Variants in THADA observed in about 807,000 individuals in gnomAD.
THADA encodes the protein THADA armadillo repeat containing, also known as tRNA (32-2'-O)-methyltransferase regulator THADA.
A neutral mutation model predicts 219.8 loss-of-function variants in THADA; 213 were observed. That is an observed-to-expected ratio of 0.97 (90% CI 0.87 to 1.09). The LOEUF (loss-of-function observed/expected upper bound fraction) is 1.09. Ranked by LOEUF, THADA falls within the 50% of genes least tolerant of loss-of-function variation. THADA has a pLI of 0.00. For synonymous variants in THADA, 1,018 were observed against 828.9 expected (o/e 1.23, Z -3.92); for missense variants, 2,956 against 2,311.3 (o/e 1.28, Z -5.72).
intron 36 of THADA, among the ~76,000 whole-genome samples, chr2:43,265,930 AACACACAC>A (rs56173099): frequency 0.12 from 14,523 of 124,400 alleles, 724 homozygotes; most frequent in East Asian, 0.19. Context: ...TTACTTTTGA[AACACACAC>A]ACACACACAC....
chr2:43,327,098 G>C (rs1573082155), intron 30 of THADA, among the ~76,000 whole-genome samples: 1 of 152,230 alleles, frequency 6.6e-6, no homozygotes, highest in Middle Eastern at 3.4e-3. Context: ...CATAAAAACA[G>C]AGGATTGATT....
chr2:43,362,021 G>A (rs886755868), intron 29 of THADA, among the ~76,000 whole-genome samples: 1 of 152,194 alleles, frequency 6.6e-6, no homozygotes, highest in African/African-American at 2.4e-5. Context: ...TGCTCTGAGA[G>A]AGGAAAACTC....
chr2:43,413,362 T>G (rs1420043431), intron 28 of THADA, among the ~76,000 whole-genome samples: 4 of 152,160 alleles, frequency 2.6e-5, no homozygotes, highest in Non-Finnish European at 4.4e-5. Context: ...CTAAGAGGGC[T>G]GGCTGAATCG....
At chr2:43,310,760 T>A (rs1677409386) in intron 31 of THADA, among the ~76,000 whole-genome samples, 1 of 152,154 alleles carries the variant, frequency 6.6e-6, no homozygotes, top group Non-Finnish European at 1.5e-5. Context: ...CTTTTGTCCA[T>A]CAAAGGATAT....
At chr2:43,370,480 G>A (rs1485062053) in intron 29 of THADA, among the ~76,000 whole-genome samples, 2 of 152,134 alleles carry the variant, frequency 1.3e-5, no homozygotes, top group Non-Finnish European at 2.9e-5. Flanking sequence ...GTTGAACACT[G>A]CAAATGTTCA....
rs546267015 is a variant in THADA at position 43,315,690 on chromosome 2, C to T, written c.4438+4756G>A. 2.0e-5 allele frequency among the ~76,000 whole-genome samples: 3 copies of T among 152,268 alleles called. No homozygotes were observed. In the East Asian group the frequency reaches 5.8e-4, roughly 29 times the overall value. On this transcript the variant is annotated intron_variant, in intron 31 of 37. Coordinates refer to ENST00000405975, the MANE Select transcript of THADA (RefSeq NM_022065.5). Reference sequence around the variant, plus strand: ...CTATGTTGCCCAGGCTTATCTCGAACTCCTGGCCTCAGGCAATCCTCCTGC... The same window carrying T: ...CTATGTTGCCCAGGCTTATCTCGAATTCCTGGCCTCAGGCAATCCTCCTGC...
chr2:43,316,484 GT>G (rs1678096735), intron 31 of THADA, among the ~76,000 whole-genome samples: 1 of 152,194 alleles, frequency 6.6e-6, no homozygotes, highest in Non-Finnish European at 1.5e-5. Context: ...TCTAAGCCAG[GT>G]ATGTTATACT....
intron 22 of THADA, among the ~76,000 whole-genome samples, chr2:43,509,993 G>C (rs1015880821): frequency 1.3e-5 from 2 of 152,122 alleles, no homozygotes; most frequent in African/African-American, 4.8e-5. Flanking sequence ...AAAAGATTCA[G>C]AGACATAACA....
intron 29 of THADA, among the ~76,000 whole-genome samples, chr2:43,349,608 T>C (rs1668026269): frequency 6.6e-6 from 1 of 152,080 alleles, no homozygotes; most frequent in Non-Finnish European, 1.5e-5. Flanking sequence ...TTCCCCCTTA[T>C]AAAATCAACA....
intron 36 of THADA, among the ~76,000 whole-genome samples, chr2:43,248,940 C>G (rs962109392): frequency 6.6e-6 from 1 of 152,210 alleles, no homozygotes; most frequent in African/African-American, 2.4e-5. Context: ...CACAGCATCT[C>G]ATGCTCTGCC....
chr2:43,299,385 G>A (rs1408098478), intron 31 of THADA, among the ~76,000 whole-genome samples: 1 of 152,068 alleles, frequency 6.6e-6, no homozygotes, highest in Non-Finnish European at 1.5e-5. Flanking sequence ...CTAGCCGGGC[G>A]CAGTGGCTCA....
intron 29 of THADA, among the ~76,000 whole-genome samples, chr2:43,348,790 T>C (rs897420099): frequency 2.0e-5 from 3 of 152,188 alleles, no homozygotes. Flanking sequence ...GGGGAATTAA[T>C]GAGTTTGGTT....
chr2:43,288,808 T>C (rs905721790), intron 34 of THADA, among the ~76,000 whole-genome samples: 1 of 152,238 alleles, frequency 6.6e-6, no homozygotes. Flanking sequence ...ACAGTTTACA[T>C]ACCATAGAAT....
intron 1 of THADA, among the ~76,000 whole-genome samples, chr2:43,593,910 G>A (rs1214717708): frequency 3.3e-5 from 5 of 152,162 alleles, no homozygotes; most frequent in African/African-American, 1.2e-4. Flanking sequence ...TGGGATTACA[G>A]GCGTGAGCCA....
chr2:43,349,442 A>G (rs971381026), intron 29 of THADA, among the ~76,000 whole-genome samples: 3 of 152,220 alleles, frequency 2.0e-5, no homozygotes, highest in Admixed American at 2.0e-4. Context: ...CAGTTCCCTG[A>G]AAAAACTTGC....
intron 29 of THADA, among the ~76,000 whole-genome samples, chr2:43,379,630 A>G (rs1016672488): frequency 6.6e-6 from 1 of 152,250 alleles, no homozygotes; most frequent in Admixed American, 6.5e-5. Flanking sequence ...ATTTTGGAAG[A>G]TAGCCAGTTT....
At chr2:43,391,507 G>A (rs1673378423) in intron 29 of THADA, among the ~76,000 whole-genome samples, 1 of 152,166 alleles carries the variant, frequency 6.6e-6, no homozygotes, top group Non-Finnish European at 1.5e-5. Flanking sequence ...ATCTTCAAAA[G>A]TAGCATTTTA....
intron 23 of THADA, 36 bp from the exon 24 acceptor site, chr2:43,505,771 T>C (rs1265969994): frequency 1.3e-5 from 18 of 1,417,834 alleles, no homozygotes; most frequent in Non-Finnish European, 1.8e-5. Flanking sequence ...ACAGGGTTCT[T>C]AGTTTACATA....
chr2:43,255,910 T>C (rs1670259368), intron 36 of THADA, among the ~76,000 whole-genome samples: 2 of 152,204 alleles, frequency 1.3e-5, no homozygotes, highest in Admixed American at 6.5e-5. Flanking sequence ...TTGACGTGTG[T>C]AGCCCTCAAA....
Sources: allele counts gnomAD v4.1 joint callset (sites outside exome capture counted in the v4.1 genomes callset), GRCh38; gene constraint gnomAD v4.1.1; transcripts MANE v1.5; gene names NCBI Gene and HGNC (gene_info 2026-07-23, HGNC 2026-07-21).